Variants in ECRG4 observed in about 807,000 individuals in gnomAD.
The protein encoded by ECRG4 is augurin.
In ECRG4, 18 loss-of-function variants were observed where a neutral mutation model predicts 15.8. The ratio of observed to expected loss-of-function variants is 1.14; its 90% CI spans 0.79 to 1.69. ECRG4 has a LOEUF of 1.69. ECRG4 is among the 40% of genes most tolerant of loss of function. ECRG4 has a pLI of 0.00. For missense variants in ECRG4, 200 were observed against 190.9 expected (o/e 1.05, Z -0.28); for synonymous variants, 82 against 73.9 (o/e 1.11, Z -0.56).
At chr2:106,067,152 C>A (rs113771514) in intron 1 of ECRG4, among the ~76,000 whole-genome samples, 2 of 142,560 alleles carry the variant, frequency 1.4e-5, no homozygotes. Flanking sequence ...AAATGCCAGA[C>A]GTGATGGCAC....
chr2:106,073,739 C>A, intron 2 of ECRG4, 147 bp from the exon 3 acceptor site: 1 of 896,304 alleles, frequency 1.1e-6, no homozygotes, highest in Non-Finnish European at 1.8e-6. Flanking sequence ...GGCTGTGTCA[C>A]ATTGTCACAT....
intron 2 of ECRG4, chr2:106,072,445 T>C (rs1338748797): frequency 6.6e-6 from 1 of 152,266 alleles, no homozygotes; most frequent in Non-Finnish European, 1.5e-5. Flanking sequence ...ATCAGGTGGA[T>C]CAATTGTGGG....
chr2:106,073,748 A>G (rs1045818470), intron 2 of ECRG4, 138 bp from the exon 3 acceptor site: 1 of 965,866 alleles, frequency 1.0e-6, no homozygotes, highest in Non-Finnish European at 1.6e-6. Flanking sequence ...ACATTGTCAC[A>G]TGCAAGTAAG....
At chr2:106,077,353 C>T (rs979437229) in intron 3 of ECRG4, among the ~76,000 whole-genome samples, 24 of 151,978 alleles carry the variant, frequency 1.6e-4, no homozygotes, top group African/African-American at 5.8e-4. Flanking sequence ...GCATCTACTA[C>T]ATGCAGTATA....
At chr2:106,067,100 G>C (rs544842552) in intron 1 of ECRG4, among the ~76,000 whole-genome samples, 61 of 134,534 alleles carry the variant, frequency 4.5e-4, no homozygotes, top group African/African-American at 1.6e-3. Context: ...TCGGGGGTTC[G>C]AGACCAGCCT....
intron 1 of ECRG4, among the ~76,000 whole-genome samples, 194 bp downstream of exon 1, chr2:106,066,037 C>G (rs1249487973): frequency 6.6e-6 from 1 of 152,194 alleles, no homozygotes; most frequent in Non-Finnish European, 1.5e-5. Context: ...AAGTGGTGCC[C>G]TTGTGAGGGT....
At chr2:106,073,567 C>T (rs1268351331) in intron 2 of ECRG4, among the ~76,000 whole-genome samples, 1 of 152,134 alleles carries the variant, frequency 6.6e-6, no homozygotes, top group Non-Finnish European at 1.5e-5. Context: ...GGGCCATTTG[C>T]CCCGGGAAAG....
At chr2:106,072,977 A>G (rs1676403648) in intron 2 of ECRG4, among the ~76,000 whole-genome samples, 1 of 152,232 alleles carries the variant, frequency 6.6e-6, no homozygotes, top group South Asian at 2.1e-4. Flanking sequence ...TGTGTACAAA[A>G]CAGTGTTACA....
At chr2:106,070,569 T>G (rs1676341309) in intron 1 of ECRG4, among the ~76,000 whole-genome samples, 3 of 152,212 alleles carry the variant, frequency 2.0e-5, no homozygotes, top group Admixed American at 6.5e-5. Context: ...ATGGATATAT[T>G]CTTCGCCCCA....
At position 106,073,915 on chromosome 2, in the gene ECRG4, G is replaced by A. The variant is rs191272593; in HGVS notation, c.157G>A (p.Val53Ile). 1,097 of 1,614,212 alleles carry A rather than the reference G, an allele frequency of 6.8e-4. 11 individuals carry two copies. The highest frequency in any genetic ancestry group is 1.6e-4 in the Middle Eastern group (1 of 6,062). The change falls in exon 3 of 4, where the codon GTT (valine) becomes ATT (isoleucine). Residue 53 changes from valine to isoleucine, a missense_variant. Transcript: ENST00000238044. ...APVPTKTKVA[V>I]DENKAKEFLG... Reference sequence around the variant, plus strand: ...TGTTCCAACTAAGACTAAAGTGGCCGTTGATGAGAATAAAGCCAAAGAATT... The same window carrying A: ...TGTTCCAACTAAGACTAAAGTGGCCATTGATGAGAATAAAGCCAAAGAATT...
chr2:106,070,900 C>CT (rs763081789), intron 1 of ECRG4: 7 of 471,048 alleles, frequency 1.5e-5, no homozygotes, highest in Non-Finnish European at 2.6e-5. Context: ...CGAAGTTGCT[C>CT]TACTCACTAC....
chr2:106,065,740 G>C lies in ECRG4; in HGVS notation c.-25G>C. Reference sequence around the variant, plus strand: ...CGCAGCACCTCGAAGTGCGCCCCTCGCCCTCCTGCTCGCGCCCCGCCGCCA... The same window carrying C: ...CGCAGCACCTCGAAGTGCGCCCCTCCCCCTCCTGCTCGCGCCCCGCCGCCA... On this transcript the variant is annotated 5_prime_UTR_variant, in exon 1 of 4. Transcript: ENST00000238044. 1 of 1,469,654 alleles carries C rather than the reference G, an allele frequency of 6.8e-7. No individual in the cohort carries two copies. 91.0% of individuals were successfully genotyped at this position (1,469,654 alleles called of 1,614,324 possible).
At chr2:106,070,421 A>G (rs959758444) in intron 1 of ECRG4, among the ~76,000 whole-genome samples, 1 of 152,170 alleles carries the variant, frequency 6.6e-6, no homozygotes. Context: ...GGAGGCTAGT[A>G]GGTTAGGTGG....
chr2:106,066,991 C>A (rs977505675), intron 1 of ECRG4, among the ~76,000 whole-genome samples: 3 of 141,164 alleles, frequency 2.1e-5, no homozygotes, highest in Non-Finnish European at 3.0e-5. Context: ...TTTGTTCTTG[C>A]CACTTTAAGA....
intron 1 of ECRG4, chr2:106,070,747 T>G: frequency 3.4e-6 from 1 of 297,264 alleles, no homozygotes; most frequent in Admixed American, 4.2e-5. Context: ...CCCAGAAAAC[T>G]GTGCCTTGGC....
At position 106,071,834 on chromosome 2, in the gene ECRG4, A is replaced by T; in HGVS notation, c.80-10A>T. ...AACTCTGATATGGATTTCAATTTTC[A>T]TTCCTTTAGGTGGCATAAGTGGAAA... On this transcript the variant is annotated splice_polypyrimidine_tract_variant and intron_variant, in intron 1 of 3. Transcript: ENST00000238044. The T allele has an allele frequency of 6.2e-7, 1 of 1,612,816 alleles. No homozygotes were observed. Among genetic ancestry groups the T allele is most frequent in the Non-Finnish European group, 8.5e-7 (1 of 1,178,928 alleles).
chr2:106,064,945 A>G (rs372698741), upstream of ECRG4, among the ~76,000 whole-genome samples: 6 of 151,996 alleles, frequency 3.9e-5, no homozygotes, highest in East Asian at 7.8e-4. Flanking sequence ...CTTGGGTCTC[A>G]CCTTAACATC....
chr2:106,064,757 A>C (rs1676167544), upstream of ECRG4, among the ~76,000 whole-genome samples: 1 of 152,236 alleles, frequency 6.6e-6, no homozygotes, highest in Non-Finnish European at 1.5e-5. Context: ...AGATGGGAAG[A>C]CAGGAAAGGT....
At chr2:106,065,273 G>A (rs1287082503), upstream of ECRG4, among the ~76,000 whole-genome samples, 5 of 152,100 alleles carry the variant, frequency 3.3e-5, no homozygotes, top group African/African-American at 2.4e-5. Flanking sequence ...GGAGTAAGGG[G>A]AACAGTGGCG....
Sources: allele counts gnomAD v4.1 joint callset (sites outside exome capture counted in the v4.1 genomes callset), GRCh38; gene constraint gnomAD v4.1.1; transcripts MANE v1.5; gene names NCBI Gene and HGNC (gene_info 2026-07-23, HGNC 2026-07-21).